CABLES1: variants seen among roughly 807,000 people sequenced by gnomAD.
CABLES1 encodes CDK5 and ABL1 enzyme substrate 1.
Under a neutral mutation model 57.8 loss-of-function variants are expected in CABLES1, and 36 were observed. The ratio of observed to expected loss-of-function variants is 0.62; its 90% CI spans 0.48 to 0.82. CABLES1 has a LOEUF of 0.82. Among genes scored for constraint, CABLES1 ranks in the 40% least tolerant of loss-of-function variants. The pLI, the probability that CABLES1 is intolerant of heterozygous loss-of-function variation, is 0.00. For missense variants in CABLES1, 767 were observed against 836.6 expected (o/e 0.92, Z 1.03); for synonymous variants, 374 against 363.0 (o/e 1.03, Z -0.35).
chr18:23,231,500 G>C (rs761358684), intron 4 of CABLES1, among the ~76,000 whole-genome samples: 2 of 152,078 alleles, frequency 1.3e-5, no homozygotes, highest in African/African-American at 4.8e-5. Flanking sequence ...TTTCTTACTC[G>C]GCTTAGCCTT....
At chr18:23,195,362 ACT>A (rs1438625532) in intron 3 of CABLES1, among the ~76,000 whole-genome samples, 3 of 151,972 alleles carry the variant, frequency 2.0e-5, no homozygotes, top group East Asian at 1.9e-4. Flanking sequence ...GCTGCAGAAG[ACT>A]CTCTTGTTTG....
chr18:23,226,683 T>C (rs1469576189), intron 4 of CABLES1, among the ~76,000 whole-genome samples: 7 of 152,184 alleles, frequency 4.6e-5, no homozygotes, highest in Admixed American at 3.9e-4. Context: ...AGTGAGAGAC[T>C]GCAGGTGTTG....
intron 9 of CABLES1, 100 bp downstream of exon 9, chr18:23,254,036 G>GA: frequency 6.2e-6 from 6 of 974,730 alleles, no homozygotes; most frequent in Non-Finnish European, 9.6e-6. Context: ...GAAGGATTCT[G>GA]ATCCTTAGTC....
intron 1 of CABLES1, among the ~76,000 whole-genome samples, chr18:23,173,749 G>A (rs766507917): frequency 8.5e-5 from 13 of 152,122 alleles, no homozygotes; most frequent in Admixed American, 4.6e-4. Context: ...GATCGCTTGC[G>A]CTCAAGAGTT....
chr18:23,248,538 T>TTTTTTTTTTTTAA (rs1555671608), intron 7 of CABLES1, among the ~76,000 whole-genome samples: 1 of 93,600 alleles, frequency 1.1e-5, no homozygotes, highest in Admixed American at 1.7e-4. Context: ...TTTTTTTTTT[T>TTTTTTTTTTTTAA]AAAAAAAGGC....
intron 1 of CABLES1, among the ~76,000 whole-genome samples, chr18:23,188,040 T>C (rs1351133775): frequency 2.0e-5 from 3 of 152,254 alleles, no homozygotes; most frequent in Non-Finnish European, 4.4e-5. Flanking sequence ...CCATCCCTGC[T>C]CCGCCAAATC....
chr18:23,253,141 T>C, intron 8 of CABLES1, 75 bp downstream of exon 8: 1 of 815,772 alleles, frequency 1.2e-6, no homozygotes, highest in South Asian at 1.4e-5. Flanking sequence ...TTGTCATCTG[T>C]CCAGTGGTCC....
intron 1 of CABLES1, among the ~76,000 whole-genome samples, chr18:23,178,727 C>T (rs1020656783): frequency 1.3e-5 from 2 of 152,080 alleles, no homozygotes; most frequent in African/African-American, 2.4e-5. Context: ...TCTAAATAGC[C>T]CCATATACCA....
At chr18:23,232,582 C>T (rs1393723405) in intron 4 of CABLES1, among the ~76,000 whole-genome samples, 1 of 152,240 alleles carries the variant, frequency 6.6e-6, no homozygotes, top group African/African-American at 2.4e-5. Context: ...GCCTGCATAG[C>T]AGCTGCAGCA....
chr18:23,205,791 C>A (rs1383824899), intron 3 of CABLES1, among the ~76,000 whole-genome samples: 1 of 152,126 alleles, frequency 6.6e-6, no homozygotes, highest in Non-Finnish European at 1.5e-5. Context: ...CACAGGAGTT[C>A]AAGGCAGCAG....
chr18:23,250,115 G>A (rs1052048992), intron 7 of CABLES1, among the ~76,000 whole-genome samples: 1 of 152,206 alleles, frequency 6.6e-6, no homozygotes, highest in Middle Eastern at 3.2e-3. Flanking sequence ...GTTGCTGCGA[G>A]GAGAGATCCA....
intron 1 of CABLES1, among the ~76,000 whole-genome samples, chr18:23,166,808 CA>C (rs1456389026): frequency 6.6e-6 from 1 of 152,200 alleles, no homozygotes; most frequent in East Asian, 1.9e-4. Flanking sequence ...CCCTTGTCGT[CA>C]GACCCCATTC....
At chr18:23,135,349 C>A (rs557488342), upstream of CABLES1, 568 of 152,562 alleles carry the variant, frequency 3.7e-3, no homozygotes, top group Non-Finnish European at 5.4e-3. Flanking sequence ...TCTGCCTCTG[C>A]GGCCGCCGCC....
intron 4 of CABLES1, among the ~76,000 whole-genome samples, chr18:23,232,298 A>G (rs1162939299): frequency 6.6e-6 from 1 of 152,228 alleles, no homozygotes; most frequent in Non-Finnish European, 1.5e-5. Context: ...GGAGTTGGGA[A>G]TTTGAAGACC....
chr18:23,137,045 T>C (rs1458930916), intron 1 of CABLES1, among the ~76,000 whole-genome samples: 4 of 152,244 alleles, frequency 2.6e-5, no homozygotes, highest in African/African-American at 7.2e-5. Context: ...CCTGAACTTG[T>C]AGCAGACACG....
intron 1 of CABLES1, among the ~76,000 whole-genome samples, chr18:23,142,615 T>G (rs971592387): frequency 6.6e-6 from 1 of 152,244 alleles, no homozygotes; most frequent in African/African-American, 2.4e-5. Flanking sequence ...ACTTAATGCC[T>G]TGTATCACTT....
intron 3 of CABLES1, among the ~76,000 whole-genome samples, chr18:23,211,486 G>T (rs1287693688): frequency 6.6e-6 from 1 of 152,344 alleles, no homozygotes; most frequent in East Asian, 1.9e-4. Context: ...AAGGTCAGGG[G>T]TGTGTGATCT....
chr18:23,240,348 GC>G (rs903037663), intron 7 of CABLES1, among the ~76,000 whole-genome samples: 3 of 152,102 alleles, frequency 2.0e-5, no homozygotes, highest in Non-Finnish European at 4.4e-5. Context: ...AGAAGTCGTT[GC>G]CCTTCCCCCT....
At chr18:23,164,268 A>G (rs533967902) in intron 1 of CABLES1, among the ~76,000 whole-genome samples, 1 of 152,340 alleles carries the variant, frequency 6.6e-6, no homozygotes, top group East Asian at 1.9e-4. Flanking sequence ...TCCGTAGCCT[A>G]CAGAGTGTTG....
Sources: gnomAD v4.1 joint callset for allele counts (sites outside exome capture counted in the v4.1 genomes callset) on GRCh38, gnomAD v4.1.1 for gene constraint, MANE v1.5 for transcripts, NCBI Gene and HGNC (gene_info 2026-07-23, HGNC 2026-07-21) for gene names.